EHBP1: variants seen among roughly 807,000 people sequenced by gnomAD.
EHBP1 encodes the protein EH domain binding protein 1, also known as EH domain-binding protein 1.
A neutral mutation model predicts 144.0 loss-of-function variants in EHBP1; 55 were observed. The observed-to-expected ratio is 0.38, with a 90% CI of 0.31 to 0.48. The LOEUF is 0.48. EHBP1 is among the 20% of genes least tolerant of loss of function. The pLI is 0.98. For missense variants in EHBP1, 1,200 were observed against 1,364.2 expected, an observed-to-expected ratio of 0.88 and a Z score of 1.90; for synonymous variants, 469 against 472.7, an observed-to-expected ratio of 0.99 and a Z score of 0.10.
At chr2:62,871,148 T>G (rs180785282) in intron 9 of EHBP1, among the ~76,000 whole-genome samples, 129 of 152,326 alleles carry the variant, frequency 8.5e-4, no homozygotes, top group African/African-American at 2.9e-3. Context: ...CCTAGAATAT[T>G]TGAATGTAAA....
At position 62,836,356 on chromosome 2, in the gene EHBP1, A is replaced by G. The variant is rs1168461913; in HGVS notation, c.634+5198A>G. ...AACCCATCTGTACATCACCATCATCAAAGACCAAAAGTAGATAAAACCACA... is the reference window on the plus strand; with the variant it reads ...AACCCATCTGTACATCACCATCATCGAAGACCAAAAGTAGATAAAACCACA... On this transcript the variant is annotated intron_variant, in intron 7 of 22. Coordinates refer to ENST00000431489, the MANE Select transcript of EHBP1 (RefSeq NM_001142616.3). Among the ~76,000 whole-genome samples the G allele has an allele frequency of 2.1e-4, 30 of 144,202 alleles. 1 individual carries two copies. The highest frequency in any genetic ancestry group is 2.0e-3 in the Admixed American group (28 of 14,340). The allele number at this position is 144,202 out of a possible 152,430, so 94.6% of individuals were successfully genotyped here.
chr2:62,943,983 GGT>G, intron 12 of EHBP1, 133 bp downstream of exon 12: 1 of 558,850 alleles, frequency 1.8e-6, no homozygotes, highest in Non-Finnish European at 3.1e-6. Context: ...TGCTTACTGC[GGT>G]TCATTAGGAT....
intron 3 of EHBP1, among the ~76,000 whole-genome samples, chr2:62,754,273 C>T (rs556211660): frequency 6.6e-5 from 10 of 152,142 alleles, no homozygotes; most frequent in African/African-American, 2.2e-4. Context: ...GACCCTGTTG[C>T]CTGGGTATCA....
chr2:62,851,380 C>T (rs970280081), intron 7 of EHBP1, among the ~76,000 whole-genome samples: 1 of 152,326 alleles, frequency 6.6e-6, no homozygotes, highest in African/African-American at 2.4e-5. Context: ...CCTTTGTCCT[C>T]ATCCATATCC....
chr2:62,766,323 C>G (rs1051082250), intron 4 of EHBP1, among the ~76,000 whole-genome samples: 2 of 152,070 alleles, frequency 1.3e-5, no homozygotes, highest in Admixed American at 6.6e-5. Flanking sequence ...TCACGTTCAT[C>G]TTGAAATAGC....
intron 5 of EHBP1, among the ~76,000 whole-genome samples, chr2:62,792,028 A>T (rs1007542487): frequency 1.3e-5 from 2 of 152,052 alleles, no homozygotes; most frequent in Non-Finnish European, 2.9e-5. Context: ...CAGTTGTGTT[A>T]TACTCAGCCT....
At chr2:62,952,679 C>T (rs1297419960) in intron 13 of EHBP1, among the ~76,000 whole-genome samples, 1 of 152,124 alleles carries the variant, frequency 6.6e-6, no homozygotes, top group African/African-American at 2.4e-5. Flanking sequence ...TGCAGAGTTA[C>T]TTAAGATTAC....
chr2:62,851,534 A>G (rs1164827837), intron 7 of EHBP1, among the ~76,000 whole-genome samples: 1 of 152,168 alleles, frequency 6.6e-6, no homozygotes, highest in Non-Finnish European at 1.5e-5. Flanking sequence ...CTCAATGATA[A>G]TGTTTATCAT....
At chr2:62,988,186 C>A in intron 15 of EHBP1, 1 of 544,288 alleles carries the variant, frequency 1.8e-6, no homozygotes. Flanking sequence ...CACCTTCCAT[C>A]AATTTTATGT....
At chr2:62,971,393 GT>G (rs1478895136) in intron 14 of EHBP1, among the ~76,000 whole-genome samples, 1 of 151,890 alleles carries the variant, frequency 6.6e-6, no homozygotes, top group East Asian at 1.9e-4. Context: ...GGGAACGTAA[GT>G]TTTAAGTGAA....
chr2:62,705,490 C>CTT (rs149559069), upstream of EHBP1, among the ~76,000 whole-genome samples: 1 of 148,252 alleles, frequency 6.7e-6, no homozygotes. Flanking sequence ...TCGGTTCCTT[C>CTT]TTTTTTTTTT....
At chr2:62,684,690 A>G (rs950249334) in intron 1 of EHBP1, among the ~76,000 whole-genome samples, 6 of 152,256 alleles carry the variant, frequency 3.9e-5, no homozygotes, top group Non-Finnish European at 7.3e-5. Context: ...AAAAATATTA[A>G]AGCCCATCAA....
chr2:62,829,595 G>A (rs13411736), intron 6 of EHBP1, among the ~76,000 whole-genome samples: 105 of 90,626 alleles, frequency 1.2e-3, no homozygotes, highest in African/African-American at 3.0e-3. Flanking sequence ...GTGTGTGTGT[G>A]TATATATATA....
chr2:62,982,116 G>C (rs1248861972), intron 15 of EHBP1, among the ~76,000 whole-genome samples: 1 of 152,198 alleles, frequency 6.6e-6, no homozygotes, highest in African/African-American at 2.4e-5. Flanking sequence ...GCTATTGAGA[G>C]TGAGAGTTGT....
chr2:62,997,560 A>C (rs1288439722), intron 19 of EHBP1, among the ~76,000 whole-genome samples: 2 of 152,042 alleles, frequency 1.3e-5, no homozygotes, highest in Non-Finnish European at 2.9e-5. Context: ...TAAGAAAAAA[A>C]GTCAAAAAAT....
intron 15 of EHBP1, among the ~76,000 whole-genome samples, chr2:62,986,503 C>T (rs1428878734): frequency 3.4e-5 from 5 of 145,470 alleles, no homozygotes; most frequent in African/African-American, 1.3e-4. Context: ...AGTGCAGTGG[C>T]GCGATCTCGG....
exon 1 of EHBP1, chr2:62,674,020 G>C (rs2033195874): frequency 2.1e-6 from 1 of 470,968 alleles, no homozygotes; most frequent in Admixed American, 2.3e-5. Context: ...CAGAAAAGGT[G>C]ACTGTGCATC....
intron 19 of EHBP1, among the ~76,000 whole-genome samples, chr2:63,003,233 A>G (rs2059916044): frequency 6.6e-6 from 1 of 152,082 alleles, no homozygotes; most frequent in African/African-American, 2.4e-5. Flanking sequence ...CACCAATGGT[A>G]AACGTAATTG....
rs918206994 is a variant in EHBP1, at chr2:62,948,325, A to T, written c.1479A>T (p.Leu493Phe). The T allele has an allele frequency of 2.5e-6, 4 of 1,610,142 alleles. No homozygotes were observed. ...RLLEPSDMVL[L>F]AIPDKLTVMT... ...TGGAACCTTCTGATATGGTATTATT[A>T]GCAATTCCTGATAAACTGACTGTTA... Residue 493 changes from leucine (L) to phenylalanine (F), a missense_variant, in exon 13 of 23, where the codon TTA becomes TTT. Physicochemically the swap from Leu to Phe is conservative, Grantham distance 22. Around this residue, in one of 6 missense-constraint regions of EHBP1, gnomAD observed 94 missense variants for 143.0 expected, o/e 0.66. Transcript: ENST00000431489.
Sources: gnomAD v4.1 joint callset for allele counts (sites outside exome capture counted in the v4.1 genomes callset) on GRCh38, gnomAD v4.1.1 for gene constraint, gnomAD v4.1.1 regional missense constraint, MANE v1.5 for transcripts, NCBI Gene and HGNC (gene_info 2026-07-23, HGNC 2026-07-21) for gene names.